The following DAB1 variants were observed in gnomAD, a reference collection of about 807,000 sequenced individuals.
The protein encoded by DAB1 is DAB adaptor protein 1, also known as disabled homolog 1.
DAB1 carries 15 observed loss-of-function variants against 64.6 expected under a neutral mutation model. That is an observed-to-expected ratio of 0.23 (90% CI 0.16 to 0.36). DAB1 has a LOEUF of 0.36. Ranked by LOEUF, DAB1 falls within the 10% of genes least tolerant of loss-of-function variation. The pLI is 1.00. For missense variants in DAB1, 596 were observed against 706.7 expected, an observed-to-expected ratio of 0.84 and a Z score of 1.78; for synonymous variants, 235 against 251.9, an observed-to-expected ratio of 0.93 and a Z score of 0.64.
chr1:57,678,597 A>G (rs538972240), intron 6 of DAB1, among the ~76,000 whole-genome samples: 3 of 152,214 alleles, frequency 2.0e-5, no homozygotes, highest in African/African-American at 7.2e-5. Flanking sequence ...TAGACTAGGA[A>G]AAGAGGCCTG....
chr1:57,175,269 A>T (rs1662180178), intron 2 of DAB1, among the ~76,000 whole-genome samples: 1 of 152,096 alleles, frequency 6.6e-6, no homozygotes, highest in Non-Finnish European at 1.5e-5. Flanking sequence ...AGTTGAAATA[A>T]AATTTAAAGA....
At chr1:58,006,237 C>A (rs1646581000) in intron 5 of DAB1, among the ~76,000 whole-genome samples, 1 of 152,174 alleles carries the variant, frequency 6.6e-6, no homozygotes, top group African/African-American at 2.4e-5. Flanking sequence ...TAAAAAGACA[C>A]TAGAATATCC....
chr1:58,468,398 T>G (rs1314259759), intron 3 of DAB1: 4 of 152,268 alleles, frequency 2.6e-5, no homozygotes, highest in Non-Finnish European at 5.9e-5. Flanking sequence ...GATGCCTATA[T>G]CTCTAATTCG....
At chr1:57,769,237 G>T (rs1649453811) in intron 6 of DAB1, among the ~76,000 whole-genome samples, 1 of 152,126 alleles carries the variant, frequency 6.6e-6, no homozygotes, top group African/African-American at 2.4e-5. Context: ...GTGTCAAAGG[G>T]CTATGGAACA....
chr1:57,406,386 T>G (rs1683643255), intron 1 of DAB1, among the ~76,000 whole-genome samples: 2 of 152,232 alleles, frequency 1.3e-5, no homozygotes, highest in Non-Finnish European at 2.9e-5. Flanking sequence ...ACCACATTAT[T>G]ATTTGTTTAT....
At chr1:58,488,542 C>T (rs1236795290) in intron 3 of DAB1, among the ~76,000 whole-genome samples, 1 of 152,178 alleles carries the variant, frequency 6.6e-6, no homozygotes, top group Non-Finnish European at 1.5e-5. Flanking sequence ...ACCTCTGCCT[C>T]CCAGGTTCAA....
chr1:57,739,320 C>G (rs183323767), intron 6 of DAB1, among the ~76,000 whole-genome samples: 4 of 151,970 alleles, frequency 2.6e-5, no homozygotes, highest in Admixed American at 1.3e-4. Context: ...TCTCACATTT[C>G]TTTCTGTTAC....
Position 57,585,248 on chromosome 1 carries a change from GAAAAAA to G in DAB1, n.625+64338_625+64343del, listed in dbSNP as rs61528761. Among the ~76,000 whole-genome samples, 107 of 44,278 alleles carry G rather than the reference GAAAAAA, an allele frequency of 2.4e-3. 2 individuals carry two copies. Among genetic ancestry groups the G allele is most frequent in the Admixed American group, 0.011 (27 of 2,492 alleles). The allele number at this position is 44,278 out of a possible 152,430, so 29.0% of individuals were successfully genotyped here. A position where few individuals can be genotyped will look rare whatever the true frequency, so the allele number is the denominator to read the frequency against. ...TGGGCGACAGGATGAGACTCTTTCT[GAAAAAA>G]AAAAAAAAAAAAAAAAAAAAAGACT... On this transcript the variant is annotated intron_variant and non_coding_transcript_variant, in intron 7 of 20. Transcript: ENST00000485760.
intron 6 of DAB1, among the ~76,000 whole-genome samples, chr1:57,714,280 T>C (rs1207202219): frequency 3.3e-5 from 5 of 152,192 alleles, no homozygotes; most frequent in Non-Finnish European, 7.3e-5. Context: ...CTGAGTATCT[T>C]AACCAATGTC....
intron 1 of DAB1, among the ~76,000 whole-genome samples, chr1:57,348,756 C>T (rs896537198): frequency 6.6e-6 from 1 of 152,144 alleles, no homozygotes; most frequent in African/African-American, 2.4e-5. Flanking sequence ...TAACCAACTA[C>T]ACAAAGTCTG....
intron 5 of DAB1, among the ~76,000 whole-genome samples, chr1:58,040,836 TTC>T (rs1647124227): frequency 6.6e-6 from 1 of 152,208 alleles, no homozygotes; most frequent in South Asian, 2.1e-4. Flanking sequence ...TCCACTTCAA[TTC>T]TCTCTTCTTT....
intron 2 of DAB1, among the ~76,000 whole-genome samples, chr1:57,181,553 G>A (rs1364882946): frequency 6.6e-6 from 1 of 152,112 alleles, no homozygotes; most frequent in Non-Finnish European, 1.5e-5. Context: ...CTGCAAACAG[G>A]GAATGGAAAT....
At chr1:57,829,031 C>G (rs930632657) in intron 1 of DAB1, among the ~76,000 whole-genome samples, 19 of 152,078 alleles carry the variant, frequency 1.2e-4, no homozygotes, top group South Asian at 2.1e-4. Flanking sequence ...TTAAGAAAGC[C>G]TAGTAGCGCA....
At chr1:58,544,400 G>A (rs1355237401) in intron 1 of DAB1, among the ~76,000 whole-genome samples, 2 of 152,092 alleles carry the variant, frequency 1.3e-5, no homozygotes, top group East Asian at 1.9e-4. Context: ...GAGAAAATAT[G>A]CTAGTATATA....
intron 2 of DAB1, among the ~76,000 whole-genome samples, chr1:57,263,203 C>T (rs558512590): frequency 9.2e-5 from 14 of 152,136 alleles, no homozygotes; most frequent in African/African-American, 2.9e-4. Flanking sequence ...GCATCCTCTG[C>T]CTCCTGGGTT....
At chr1:57,594,239 G>A (rs1340534134) in intron 7 of DAB1, among the ~76,000 whole-genome samples, 3 of 152,138 alleles carry the variant, frequency 2.0e-5, no homozygotes, top group Admixed American at 6.5e-5. Flanking sequence ...TTCCAAATAG[G>A]AACATCTGGA....
chr1:57,125,624 G>A (rs1030665933), intron 4 of DAB1, among the ~76,000 whole-genome samples: 2 of 152,048 alleles, frequency 1.3e-5, no homozygotes, highest in African/African-American at 4.8e-5. Context: ...AAAATGAGGG[G>A]AAAATGGGTT....
intron 7 of DAB1, among the ~76,000 whole-genome samples, chr1:57,550,646 CT>C (rs1381015836): frequency 2.0e-5 from 3 of 152,062 alleles, no homozygotes; most frequent in Admixed American, 1.3e-4. Flanking sequence ...CATATATCTT[CT>C]TTTTTGGTTT....
At chr1:57,745,602 T>C (rs1172911979) in intron 6 of DAB1, among the ~76,000 whole-genome samples, 1 of 152,160 alleles carries the variant, frequency 6.6e-6, no homozygotes, top group African/African-American at 2.4e-5. Flanking sequence ...AAAGGAGCTC[T>C]TTTTCTCTTG....
Sources: gnomAD v4.1 joint callset for allele counts (sites outside exome capture counted in the v4.1 genomes callset) on GRCh38, gnomAD v4.1.1 for gene constraint, MANE v1.5 for transcripts, NCBI Gene and HGNC (gene_info 2026-07-23, HGNC 2026-07-21) for gene names.